KIF16B: variants seen among roughly 807,000 people sequenced by gnomAD.
The protein encoded by KIF16B is kinesin family member 16B, also known as kinesin-like protein KIF16B.
A neutral mutation model predicts 156.3 loss-of-function variants in KIF16B; 98 were observed. The ratio of observed to expected loss-of-function variants is 0.63; its 90% confidence interval spans 0.53 to 0.74. The LOEUF (loss-of-function observed/expected upper bound fraction) is 0.74, where lower values mean the gene tolerates loss of function less well. Among genes scored for constraint, KIF16B ranks in the 30% least tolerant of loss-of-function variants. The pLI, the probability that KIF16B is intolerant of heterozygous loss-of-function variation, is 0.00. For synonymous variants in KIF16B, 564 were observed against 583.7 expected (o/e 0.97, Z 0.49); for missense variants, 1,421 against 1,606.5 (o/e 0.88, Z 1.97).
At chr20:16,535,578 GA>G (rs539052007) in intron 1 of KIF16B, among the ~76,000 whole-genome samples, 121 of 152,040 alleles carry the variant, frequency 8.0e-4, no homozygotes, top group African/African-American at 2.7e-3. Flanking sequence ...AGTTCTAAGA[GA>G]AAAAAAATTC....
chr20:16,400,169 T>C (rs980257513), intron 17 of KIF16B, among the ~76,000 whole-genome samples: 2 of 152,200 alleles, frequency 1.3e-5, no homozygotes, highest in African/African-American at 4.8e-5. Flanking sequence ...CCAGGTTAGA[T>C]TTACATTCAT....
intron 1 of KIF16B, among the ~76,000 whole-genome samples, chr20:16,553,081 A>C (rs1002592447): frequency 6.6e-6 from 1 of 151,992 alleles, no homozygotes; most frequent in Non-Finnish European, 1.5e-5. Flanking sequence ...TTTAATTTCT[A>C]ATGTGGCCTC....
At chr20:16,557,091 T>C (rs1463782087) in intron 1 of KIF16B, among the ~76,000 whole-genome samples, 1 of 149,152 alleles carries the variant, frequency 6.7e-6, no homozygotes, top group Non-Finnish European at 1.5e-5. Flanking sequence ...ATTAATACTA[T>C]ATATAGTATT....
intron 25 of KIF16B, among the ~76,000 whole-genome samples, chr20:16,280,867 T>TGTGTGTGTGTGTGTGA (rs758721339): frequency 6.6e-6 from 1 of 150,788 alleles, no homozygotes. Context: ...TGTGTGTGTG[T>TGTGTGTGTGTGTGTGA]GCGCAGAAAA....
intron 24 of KIF16B, among the ~76,000 whole-genome samples, chr20:16,333,430 G>A (rs2063984001): frequency 6.6e-6 from 1 of 152,206 alleles, no homozygotes; most frequent in Non-Finnish European, 1.5e-5. Context: ...TCTACTTCAT[G>A]AGAAGAGGGA....
chr20:16,527,880 T>A (rs1436751325), intron 2 of KIF16B, among the ~76,000 whole-genome samples: 1 of 152,070 alleles, frequency 6.6e-6, no homozygotes, highest in Non-Finnish European at 1.5e-5. Context: ...ATCTTGAAAA[T>A]TTTTTTTAAC....
In KIF16B at chr20:16,497,689, A is replaced by T; in HGVS notation, c.1177-11T>A. On this transcript the variant is annotated splice_polypyrimidine_tract_variant and intron_variant, in intron 10 of 25. Transcript: ENST00000354981. ...GTCTAAGAGGGCAATCTACAATATA[A>T]ACCATAAAAGAAATCAGCAATTAAT... 1 of 1,582,268 alleles carries T rather than the reference A, an allele frequency of 6.3e-7. No individual in the cohort carries two copies. The highest frequency in any genetic ancestry group is 8.6e-7 in the Non-Finnish European group (1 of 1,157,024).
At chr20:16,376,021 C>A (rs2064942351) in intron 19 of KIF16B, among the ~76,000 whole-genome samples, 1 of 152,214 alleles carries the variant, frequency 6.6e-6, no homozygotes, top group Admixed American at 6.5e-5. Context: ...GTTATACAAC[C>A]ACTGCAGGCT....
chr20:16,500,063 A>G (rs924659506), intron 10 of KIF16B, among the ~76,000 whole-genome samples: 32 of 152,280 alleles, frequency 2.1e-4, no homozygotes, highest in African/African-American at 7.5e-4. Context: ...AATATACTGT[A>G]TAATCAATTT....
rs1292008524 is a variant in KIF16B, at chr20:16,336,231, AGCTTGTCT to A, written c.3622-224_3622-217del. ...TTGGCTCTCAGATCTTGTTACAGGC[AGCTTGTCT>A]ATGTAAAGTGAAGGGCAGATGGTCA... On this transcript the variant is annotated intron_variant, in intron 23 of 25. Coordinates refer to ENST00000354981, the MANE Select transcript of KIF16B (RefSeq NM_024704.5). Among the ~76,000 whole-genome samples the A allele has an allele frequency of 9.2e-4, 140 of 152,342 alleles. 1 individual carries two copies. Among genetic ancestry groups the A allele is most frequent in the African/African-American group, 2.9e-3 (121 of 41,574 alleles).
intron 22 of KIF16B, chr20:16,367,539 G>A (rs747227505): frequency 1.1e-4 from 181 of 1,612,746 alleles, no homozygotes; most frequent in Non-Finnish European, 1.4e-4. Context: ...ACTGGCACTG[G>A]TCATGGCCAG....
At chr20:16,297,921 C>T (rs1432959783) in intron 25 of KIF16B, among the ~76,000 whole-genome samples, 1 of 152,154 alleles carries the variant, frequency 6.6e-6, no homozygotes, top group Non-Finnish European at 1.5e-5. Context: ...CACTGCTCTT[C>T]CTGCCCCCAG....
At chr20:16,313,200 GA>G in intron 24 of KIF16B, among the ~76,000 whole-genome samples, 1 of 152,286 alleles carries the variant, frequency 6.6e-6, no homozygotes, top group Non-Finnish European at 1.5e-5. Flanking sequence ...TGCAGTTGCA[GA>G]ATTCACTATT....
At chr20:16,571,338 C>T (rs1482641036) in intron 1 of KIF16B, among the ~76,000 whole-genome samples, 6 of 152,208 alleles carry the variant, frequency 3.9e-5, no homozygotes, top group African/African-American at 1.4e-4. Flanking sequence ...TTACCTCAAT[C>T]TTGACACCAC....
intron 20 of KIF16B, 128 bp downstream of exon 20, chr20:16,374,129 A>G: frequency 4.4e-6 from 4 of 914,334 alleles, no homozygotes; most frequent in Non-Finnish European, 6.1e-6. Context: ...GGCAGAGCAC[A>G]TCTCAAGCAC....
intron 1 of KIF16B, among the ~76,000 whole-genome samples, chr20:16,571,964 G>C (rs1045292286): frequency 2.0e-5 from 3 of 152,104 alleles, no homozygotes; most frequent in African/African-American, 7.2e-5. Context: ...CAATTTTCTA[G>C]CATGTGTTCA....
chr20:16,386,887 A>G (rs926395428), intron 17 of KIF16B, among the ~76,000 whole-genome samples: 2 of 152,304 alleles, frequency 1.3e-5, no homozygotes, highest in East Asian at 3.9e-4. Flanking sequence ...GAGAGGATCC[A>G]ATGAGGGTAC....
At chr20:16,499,162 T>C (rs1368177017) in intron 10 of KIF16B, among the ~76,000 whole-genome samples, 2 of 152,110 alleles carry the variant, frequency 1.3e-5, no homozygotes, top group Non-Finnish European at 2.9e-5. Context: ...CCACCCTGGT[T>C]AGAAGCCCAC....
At chr20:16,344,625 G>GT (rs1301072844) in intron 23 of KIF16B, among the ~76,000 whole-genome samples, 1 of 152,142 alleles carries the variant, frequency 6.6e-6, no homozygotes, top group Non-Finnish European at 1.5e-5. Flanking sequence ...AGTGCCTATG[G>GT]TGTCAGCCTG....
Sources: allele counts gnomAD v4.1 joint callset (sites outside exome capture counted in the v4.1 genomes callset), GRCh38; gene constraint gnomAD v4.1.1; transcripts MANE v1.5; gene names NCBI Gene and HGNC (gene_info 2026-07-23, HGNC 2026-07-21).